The following MACROH2A1 variants were observed in gnomAD, a reference collection of about 807,000 sequenced individuals.
The protein encoded by MACROH2A1 is macroH2A.1 histone.
MACROH2A1 carries 2 observed loss-of-function variants against 31.6 expected under a neutral mutation model. The observed-to-expected ratio is 0.06, with a 90% confidence interval of 0.03 to 0.20. The LOEUF (loss-of-function observed/expected upper bound fraction) is 0.20, where lower values mean the gene tolerates loss of function less well. Ranked by LOEUF, MACROH2A1 falls within the 10% of genes least tolerant of loss-of-function variation. MACROH2A1 has a pLI of 1.00. For missense variants in MACROH2A1, 230 were observed against 474.0 expected, an observed-to-expected ratio of 0.49 and a Z score of 4.78; for synonymous variants, 169 against 189.6, an observed-to-expected ratio of 0.89 and a Z score of 0.89.
Position 135,335,601 on chromosome 5 carries a change from C to G in MACROH2A1, c.954-460G>C, listed in dbSNP as rs530385097. Reference sequence around the variant, plus strand: ...CACACAGAAGAGTTACCCCTTCACACCAGGGGCCACCGCCCAGGAATCCAC... The same window carrying G: ...CACACAGAAGAGTTACCCCTTCACAGCAGGGGCCACCGCCCAGGAATCCAC... On this transcript the variant is annotated intron_variant, in intron 8 of 8. Coordinates refer to ENST00000511689, the MANE Select transcript of MACROH2A1 (RefSeq NM_138610.3). Among the ~76,000 whole-genome samples the G allele has an allele frequency of 3.3e-5, 5 of 152,248 alleles. No homozygotes were observed. The South Asian group carries it at 8.3e-4, about 25-fold the overall frequency.
At chr5:135,396,074 G>A (rs149492016) in intron 1 of MACROH2A1, among the ~76,000 whole-genome samples, 95 of 152,328 alleles carry the variant, frequency 6.2e-4, no homozygotes, top group African/African-American at 2.2e-3. Flanking sequence ...CCCATTCGGT[G>A]ATGCGCTTCC....
chr5:135,385,327 G>T (rs1766244967), intron 2 of MACROH2A1, among the ~76,000 whole-genome samples: 1 of 152,212 alleles, frequency 6.6e-6, no homozygotes, highest in African/African-American at 2.4e-5. Flanking sequence ...CCCACTTGCA[G>T]TCCTGTCTCC....
At chr5:135,388,820 T>G in intron 2 of MACROH2A1, 102 bp downstream of exon 2, 22 of 965,196 alleles carry the variant, frequency 2.3e-5, no homozygotes, top group Non-Finnish European at 3.4e-5. Flanking sequence ...TCTGTAGGTT[T>G]GAGCTGTTTC....
At chr5:135,343,231 A>G (rs895127721) in intron 8 of MACROH2A1, 29 bp downstream of exon 8, 8 of 1,612,648 alleles carry the variant, frequency 5.0e-6, no homozygotes, top group South Asian at 2.2e-5. Flanking sequence ...CACACCCATG[A>G]CCGATACGTA....
At chr5:135,360,336 T>C (rs960150063) in intron 5 of MACROH2A1, 161 bp downstream of exon 5, 5 of 611,484 alleles carry the variant, frequency 8.2e-6, no homozygotes, top group African/African-American at 5.5e-5. Flanking sequence ...CTCCCCAGCA[T>C]CTAGCCCTCC....
chr5:135,399,486 C>T (rs1222648230), upstream of MACROH2A1: 1 of 152,264 alleles, frequency 6.6e-6, no homozygotes, highest in Non-Finnish European at 1.5e-5. The surrounding 1 kb of genome is among the most constrained non-coding windows in gnomAD (Gnocchi z 4.5). Flanking sequence ...TGGAGAGGAG[C>T]TTCTTCAGGG....
At chr5:135,373,662 G>T (rs552205482) in intron 2 of MACROH2A1, among the ~76,000 whole-genome samples, 1 of 152,182 alleles carries the variant, frequency 6.6e-6, no homozygotes, top group Non-Finnish European at 1.5e-5. Flanking sequence ...AGAAAGAGCT[G>T]GGCAGGGATG....
chr5:135,346,292 G>T (rs560331407), intron 6 of MACROH2A1: 95 of 534,090 alleles, frequency 1.8e-4, no homozygotes, highest in Non-Finnish European at 2.2e-4. Flanking sequence ...CCCTTATTTG[G>T]GTCTGACTCA....
chr5:135,364,888 G>A (rs1004963622), intron 4 of MACROH2A1, among the ~76,000 whole-genome samples: 1 of 152,182 alleles, frequency 6.6e-6, no homozygotes, highest in Non-Finnish European at 1.5e-5. Context: ...ACAAGAGAAA[G>A]AGGCACTCTA....
chr5:135,383,818 T>C (rs752581415), intron 2 of MACROH2A1, among the ~76,000 whole-genome samples: 6 of 149,856 alleles, frequency 4.0e-5, no homozygotes, highest in Non-Finnish European at 7.4e-5. Flanking sequence ...TAAGCCCCAG[T>C]GCAGCATGAG....
Position 135,358,267 on chromosome 5 carries a change from G to A in MACROH2A1, c.588+2230C>T, listed in dbSNP as rs73789319. The A allele has an allele frequency of 5.4e-3, 5,280 of 985,184 alleles. 194 individuals carry two copies. In the African/African-American group the frequency reaches 0.077, roughly 14 times the overall value. 61.0% of individuals were successfully genotyped at this position (985,184 alleles called of 1,614,324 possible). The stretch of plus-strand genomic sequence containing the variant: ...TCACTCCGTCTCATGCTGCAGGGGT[G>A]TAGGATTCCAGAAAGGGCAGTTGGA... On this transcript the variant is annotated intron_variant, in intron 5 of 8. Coordinates refer to ENST00000511689, the MANE Select transcript of MACROH2A1 (RefSeq NM_138610.3).
chr5:135,378,259 G>A (rs565968613), intron 2 of MACROH2A1, among the ~76,000 whole-genome samples: 19 of 152,344 alleles, frequency 1.2e-4, no homozygotes, highest in Middle Eastern at 3.4e-3. Context: ...CTCTGCCACT[G>A]CTACAGCAGC....
intron 4 of MACROH2A1, among the ~76,000 whole-genome samples, chr5:135,365,805 G>A (rs966347535): frequency 4.1e-4 from 62 of 152,258 alleles, no homozygotes; most frequent in African/African-American, 1.4e-3. Flanking sequence ...TGCATGTGAG[G>A]ACAGAGATCC....
chr5:135,396,543 A>C (rs895314225), intron 1 of MACROH2A1, among the ~76,000 whole-genome samples: 2 of 152,076 alleles, frequency 1.3e-5, no homozygotes, highest in Non-Finnish European at 2.9e-5. Context: ...AGATGCACAC[A>C]TGGGGTTCCC....
At position 135,343,448 on chromosome 5, in the gene MACROH2A1, G is replaced by C. The variant is rs377375642; in HGVS notation, c.779-14C>G. The C allele has an allele frequency of 8.1e-6, 13 of 1,612,466 alleles. No homozygotes were observed. The Middle Eastern group carries it at 4.9e-4, about 61-fold the overall frequency. On this transcript the variant is annotated splice_polypyrimidine_tract_variant and intron_variant, in intron 7 of 8. Transcript: ENST00000511689. Reference sequence around the variant, plus strand: ...CGCTGACAGCAGCTAGTGGTGCGGGGATGAAACAGAAACAGTGAGCTCTGG... The same window carrying C: ...CGCTGACAGCAGCTAGTGGTGCGGGCATGAAACAGAAACAGTGAGCTCTGG...
At chr5:135,396,543 A>G (rs895314225) in intron 1 of MACROH2A1, among the ~76,000 whole-genome samples, 2 of 152,192 alleles carry the variant, frequency 1.3e-5, no homozygotes, top group Middle Eastern at 3.4e-3. Context: ...AGATGCACAC[A>G]TGGGGTTCCC....
In MACROH2A1 at chr5:135,343,400, C is replaced by T; in HGVS notation, c.813G>A (p.Lys271=). ...AVSAGHGLPA[K]FVIHCNSPVW... is the part of the protein sequence containing the mutation. ...CTGGACTATTACAGTGGATCACAAA[C>T]TTGGCAGGCAGGCCATGGCCTGCGC... is the stretch of plus-strand genomic sequence containing the variant. Residue 271 remains lysine (K), a synonymous_variant, in exon 8 of 9, where the codon AAG becomes AAA. Coordinates refer to ENST00000511689, the MANE Select transcript of MACROH2A1 (RefSeq NM_138610.3). 9 of 1,614,250 alleles carry T rather than the reference C, an allele frequency of 5.6e-6. No individual in the cohort carries two copies. Among genetic ancestry groups the T allele is most frequent in the Non-Finnish European group, 7.6e-6 (9 of 1,180,052 alleles).
In MACROH2A1 at chr5:135,369,646, T is replaced by G; in HGVS notation, c.280-43A>C. On this transcript the variant is annotated intron_variant, in intron 3 of 8. Transcript: ENST00000511689. This position sits in a 1 kb window ranked among gnomAD's most constrained non-coding sequence, Gnocchi z 4.3. ...ATAGCAGATAGTGAGCCAGATACCC[T>G]GCTTCTAACCTTCAAGAAGCCAGCC... The G allele has an allele frequency of 6.6e-7, 1 of 1,514,506 alleles. No individual in the cohort carries two copies. Among genetic ancestry groups the G allele is most frequent in the Non-Finnish European group, 9.2e-7 (1 of 1,091,218 alleles). The allele number at this position is 1,514,506 out of a possible 1,614,324, so 93.8% of individuals were successfully genotyped here.
chr5:135,354,831 C>T, intron 5 of MACROH2A1: 1 of 338,054 alleles, frequency 3.0e-6, no homozygotes, highest in Non-Finnish European at 5.8e-6. Context: ...TACAAAAACT[C>T]AAATTAAGCC....
Sources: gnomAD v4.1 joint callset for allele counts (sites outside exome capture counted in the v4.1 genomes callset) on GRCh38, gnomAD v4.1.1 for gene constraint, Gnocchi (gnomAD v3.1) non-coding constraint, MANE v1.5 for transcripts, NCBI Gene and HGNC (gene_info 2026-07-23, HGNC 2026-07-21) for gene names.